MACROD2: variants seen among roughly 807,000 people sequenced by gnomAD.
The protein encoded by MACROD2 is ADP-ribose glycohydrolase MACROD2.
In MACROD2, 36 loss-of-function variants were observed where a neutral mutation model predicts 70.4. The ratio of observed to expected loss-of-function variants is 0.51; its 90% CI spans 0.39 to 0.68. The LOEUF (loss-of-function observed/expected upper bound fraction) is 0.68, where lower values mean the gene tolerates loss of function less well. Among genes scored for constraint, MACROD2 ranks in the 30% least tolerant of loss-of-function variants. MACROD2 has a pLI of 0.00. For missense variants in MACROD2, 496 were observed against 538.4 expected, an observed-to-expected ratio of 0.92 and a Z score of 0.78; for synonymous variants, 172 against 178.8, an observed-to-expected ratio of 0.96 and a Z score of 0.30.
intron 8 of MACROD2, among the ~76,000 whole-genome samples, chr20:15,862,272 G>C (rs2064434502): frequency 6.6e-6 from 1 of 152,162 alleles, no homozygotes; most frequent in Non-Finnish European, 1.5e-5. Flanking sequence ...CTGCATGGAA[G>C]CTTTTTAGGC....
intron 3 of MACROD2, among the ~76,000 whole-genome samples, chr20:14,487,094 G>A (rs1182702574): frequency 2.0e-5 from 3 of 152,148 alleles, no homozygotes. Context: ...AGATGAACAT[G>A]GCCCCAGACC....
At chr20:14,938,940 ATT>A (rs1230863391) in intron 5 of MACROD2, among the ~76,000 whole-genome samples, 27 of 86,456 alleles carry the variant, frequency 3.1e-4, no homozygotes, top group Admixed American at 8.1e-4. Flanking sequence ...GTTAAATCAG[ATT>A]TTTTTTTTTT....
At chr20:14,760,758 T>C (rs1330410632) in intron 5 of MACROD2, among the ~76,000 whole-genome samples, 2 of 152,122 alleles carry the variant, frequency 1.3e-5, no homozygotes, top group African/African-American at 4.8e-5. Context: ...GTTTTGAACC[T>C]TTCCTCTTCT....
chr20:15,771,732 T>C (rs753701901), intron 8 of MACROD2, among the ~76,000 whole-genome samples: 11 of 152,036 alleles, frequency 7.2e-5, no homozygotes, highest in Non-Finnish European at 1.5e-4. Context: ...AAGCTTTGAC[T>C]AGAAACCTCT....
chr20:15,770,897 G>C (rs555677230), intron 8 of MACROD2, among the ~76,000 whole-genome samples: 23 of 152,060 alleles, frequency 1.5e-4, no homozygotes, highest in African/African-American at 5.3e-4. Flanking sequence ...CCTTCTTCTC[G>C]TGTCCAATCT....
chr20:15,791,187 T>G (rs991387408), intron 8 of MACROD2, among the ~76,000 whole-genome samples: 9 of 152,020 alleles, frequency 5.9e-5, no homozygotes, highest in African/African-American at 2.2e-4. Context: ...CAATGTTCTC[T>G]CCATTGGCAA....
chr20:15,118,426 C>A (rs575552945), intron 5 of MACROD2, among the ~76,000 whole-genome samples: 1 of 151,984 alleles, frequency 6.6e-6, no homozygotes, highest in Non-Finnish European at 1.5e-5. Context: ...CTCTTGACCT[C>A]ATGATCCGCC....
At chr20:14,406,910 G>A (rs756437492) in intron 3 of MACROD2, among the ~76,000 whole-genome samples, 55 of 152,174 alleles carry the variant, frequency 3.6e-4, no homozygotes, top group South Asian at 6.2e-4. Flanking sequence ...CTTCAATTTT[G>A]TGTCCCCTAA....
intron 5 of MACROD2, among the ~76,000 whole-genome samples, chr20:15,045,440 C>T (rs2075385641): frequency 6.6e-6 from 1 of 152,148 alleles, no homozygotes; most frequent in African/African-American, 2.4e-5. Flanking sequence ...ACATTTGAGG[C>T]CCGGGGGAGA....
intron 5 of MACROD2, among the ~76,000 whole-genome samples, chr20:15,003,828 A>G (rs1448378205): frequency 6.6e-6 from 1 of 152,122 alleles, no homozygotes; most frequent in Non-Finnish European, 1.5e-5. Flanking sequence ...AAAACATGCA[A>G]CTTCCCCAGT....
chr20:14,609,025 G>C (rs945336708), intron 4 of MACROD2, among the ~76,000 whole-genome samples: 1 of 152,120 alleles, frequency 6.6e-6, no homozygotes, highest in African/African-American at 2.4e-5. Flanking sequence ...TGAGGTTTGG[G>C]GGTTTGGTGG....
chr20:15,206,935 A>T (rs550414805), intron 5 of MACROD2, among the ~76,000 whole-genome samples: 3 of 149,494 alleles, frequency 2.0e-5, no homozygotes, highest in South Asian at 4.2e-4. Context: ...ACGGGGTTTC[A>T]CCTTGTTAGC....
Position 14,955,167 on chromosome 20 carries a change from T to A in MACROD2, c.418+270208T>A, listed in dbSNP as rs1436607269. On this transcript the variant is annotated intron_variant, in intron 5 of 17. Coordinates refer to ENST00000684519, the MANE Select transcript of MACROD2 (RefSeq NM_001351661.2). ...TTATATTATATGTACTTTATATAAT[T>A]TATATAATATAATATATAATTTATA... Among the ~76,000 whole-genome samples, 22 of 130,960 alleles carry A rather than the reference T, an allele frequency of 1.7e-4. No homozygotes were observed. The East Asian group carries it at 4.2e-3, about 25-fold the overall frequency. The allele number at this position is 130,960 out of a possible 152,430, so 85.9% of individuals were successfully genotyped here. A position where few individuals can be genotyped will look rare whatever the true frequency, so the allele number is the denominator to read the frequency against.
intron 8 of MACROD2, among the ~76,000 whole-genome samples, chr20:15,590,412 T>C (rs1242723372): frequency 6.6e-6 from 1 of 152,204 alleles, no homozygotes; most frequent in African/African-American, 2.4e-5. Context: ...AGCCTTTAAC[T>C]CCCTACTTAG....
intron 8 of MACROD2, among the ~76,000 whole-genome samples, chr20:15,722,430 T>G (rs1418327481): frequency 6.6e-6 from 1 of 152,210 alleles, no homozygotes; most frequent in Non-Finnish European, 1.5e-5. Context: ...ATGTATAATT[T>G]TATTAGAAAA....
At chr20:14,590,402 G>C (rs1001807083) in intron 4 of MACROD2, among the ~76,000 whole-genome samples, 1 of 152,118 alleles carries the variant, frequency 6.6e-6, no homozygotes, top group Admixed American at 6.5e-5. Flanking sequence ...GAGGTTTGTG[G>C]GGCAGTAAGA....
chr20:15,138,684 T>G (rs1454652095), intron 5 of MACROD2, among the ~76,000 whole-genome samples: 3 of 152,172 alleles, frequency 2.0e-5, no homozygotes, highest in Non-Finnish European at 2.9e-5. Context: ...TGTGTTTGTT[T>G]TATGTAGAGT....
At position 16,000,478 on chromosome 20, in the gene MACROD2, T is replaced by C. The variant is rs74588090; in HGVS notation, c.1153+13320T>C. On this transcript the variant is annotated intron_variant, in intron 15 of 17. Transcript: ENST00000684519. Reference sequence around the variant, plus strand: ...CAAGTATTTCAGGCCATAAGTGGAATGGAGTAATCCCTACAACCCTGTACT... The same window carrying C: ...CAAGTATTTCAGGCCATAAGTGGAACGGAGTAATCCCTACAACCCTGTACT... Among the ~76,000 whole-genome samples, 677 of 152,318 alleles carry C rather than the reference T, an allele frequency of 4.4e-3. 26 individuals are homozygous for C. The East Asian group carries it at 0.1, about 23-fold the overall frequency.
At chr20:14,640,423 A>G (rs1178168339) in intron 4 of MACROD2, among the ~76,000 whole-genome samples, 1 of 152,016 alleles carries the variant, frequency 6.6e-6, no homozygotes, top group African/African-American at 2.4e-5. Context: ...TTTTTTTTCT[A>G]AGTTCATGAA....
Sources: gnomAD v4.1 joint callset for allele counts (sites outside exome capture counted in the v4.1 genomes callset) on GRCh38, gnomAD v4.1.1 for gene constraint, MANE v1.5 for transcripts, NCBI Gene and HGNC (gene_info 2026-07-23, HGNC 2026-07-21) for gene names.